Variants in CSMD1 observed in about 807,000 individuals in gnomAD.
CSMD1 encodes the protein CUB and sushi domain-containing protein 1.
CSMD1 carries 213 observed loss-of-function variants against 417.5 expected under a neutral mutation model. The observed-to-expected ratio is 0.51, with a 90% CI of 0.46 to 0.57. The LOEUF is 0.57. Among genes scored for constraint, CSMD1 ranks in the 20% least tolerant of loss-of-function variants. The probability of loss-of-function intolerance (pLI) is 0.00; values close to 1 mark genes in which losing one functional copy is unlikely to be tolerated. For missense variants in CSMD1, 6,923 were observed against 4,529.7 expected, an observed-to-expected ratio of 1.53 and a Z score of -15.17; for synonymous variants, 2,862 against 1,736.8, an observed-to-expected ratio of 1.65 and a Z score of -16.11.
chr8:4,633,288 C>T (rs892050789), intron 2 of CSMD1, among the ~76,000 whole-genome samples: 5 of 152,050 alleles, frequency 3.3e-5, no homozygotes, highest in Non-Finnish European at 7.4e-5. Context: ...AGTCTGTCCC[C>T]CAGGCTGGAG....
intron 5 of CSMD1, among the ~76,000 whole-genome samples, chr8:3,788,669 G>A (rs143489043): frequency 6.6e-6 from 1 of 152,308 alleles, no homozygotes; most frequent in South Asian, 2.1e-4. Context: ...AGACAAAAAT[G>A]TAAGTACCTC....
intron 3 of CSMD1, among the ~76,000 whole-genome samples, chr8:4,054,282 G>T (rs1483171774): frequency 2.7e-5 from 1 of 37,636 alleles, no homozygotes; most frequent in East Asian, 1.5e-3. Flanking sequence ...GGGAAGTGAA[G>T]ATGTGGCTTC....
chr8:3,035,571 G>C (rs1318087276), intron 50 of CSMD1, among the ~76,000 whole-genome samples: 1 of 152,130 alleles, frequency 6.6e-6, no homozygotes, highest in Non-Finnish European at 1.5e-5. Context: ...TTCAGGAATT[G>C]AATCGACAAG....
At chr8:4,095,033 G>A (rs949975701) in intron 3 of CSMD1, among the ~76,000 whole-genome samples, 1 of 152,154 alleles carries the variant, frequency 6.6e-6, no homozygotes, top group Non-Finnish European at 1.5e-5. Context: ...AAGATCTTGA[G>A]AAAGTCATGT....
chr8:4,013,477 T>C (rs1042183748), intron 4 of CSMD1, among the ~76,000 whole-genome samples: 2 of 152,110 alleles, frequency 1.3e-5, no homozygotes, highest in African/African-American at 4.8e-5. Context: ...GGATCTTAGG[T>C]GATAAGACCA....
intron 1 of CSMD1, among the ~76,000 whole-genome samples, chr8:4,726,071 G>A (rs989758625): frequency 2.0e-5 from 3 of 152,132 alleles, no homozygotes; most frequent in African/African-American, 7.2e-5. Context: ...TCAAGCCACT[G>A]ACAAATGATC....
chr8:3,750,435 C>T (rs1797279737), intron 6 of CSMD1, among the ~76,000 whole-genome samples: 1 of 151,520 alleles, frequency 6.6e-6, no homozygotes. Flanking sequence ...ATAATGTTTA[C>T]ATTATGTAAG....
intron 2 of CSMD1, among the ~76,000 whole-genome samples, chr8:4,631,645 T>TA (rs1563351373): frequency 6.6e-6 from 1 of 152,204 alleles, no homozygotes; most frequent in Admixed American, 6.5e-5. Context: ...AAACTGTTTT[T>TA]AAAAATATTT....
chr8:4,342,439 C>T (rs1254376196), intron 3 of CSMD1, among the ~76,000 whole-genome samples: 1 of 152,042 alleles, frequency 6.6e-6, no homozygotes, highest in African/African-American at 2.4e-5. Flanking sequence ...GAAAACTATT[C>T]TGGCTATCCC....
intron 1 of CSMD1, among the ~76,000 whole-genome samples, chr8:4,671,725 TTG>T (rs143507624): frequency 0.011 from 1,734 of 151,584 alleles, 19 homozygotes; most frequent in Non-Finnish European, 0.02. Context: ...AAAGTATTGC[TTG>T]TGTGTGTGTG....
intron 1 of CSMD1, among the ~76,000 whole-genome samples, chr8:4,639,713 T>G (rs1803078729): frequency 6.6e-6 from 1 of 152,192 alleles, no homozygotes; most frequent in South Asian, 2.1e-4. Context: ...TATTTTCAAC[T>G]ACATTTTATA....
At chr8:4,709,284 G>A (rs1048758435) in intron 1 of CSMD1, among the ~76,000 whole-genome samples, 1 of 152,172 alleles carries the variant, frequency 6.6e-6, no homozygotes, top group South Asian at 2.1e-4. Context: ...TTGGCTAACT[G>A]CAGGTAGAAG....
At chr8:3,427,986 T>A (rs1813964537) in intron 12 of CSMD1, among the ~76,000 whole-genome samples, 1 of 152,232 alleles carries the variant, frequency 6.6e-6, no homozygotes, top group Non-Finnish European at 1.5e-5. Flanking sequence ...GAAAATGGAA[T>A]TAAGCCTTAA....
intron 5 of CSMD1, among the ~76,000 whole-genome samples, chr8:3,920,018 A>G (rs778146546): frequency 1.3e-5 from 2 of 151,636 alleles, no homozygotes; most frequent in African/African-American, 2.4e-5. Context: ...GGATTTACCA[A>G]ATTTGTTTTT....
intron 15 of CSMD1, among the ~76,000 whole-genome samples, 178 bp from the exon 16 acceptor site, chr8:3,399,707 C>T (rs1027048311): frequency 1.3e-5 from 2 of 152,206 alleles, no homozygotes; most frequent in African/African-American, 2.4e-5. Context: ...TCTATATATG[C>T]TACCTCCATG....
chr8:4,750,733 A>C (rs998046364), intron 1 of CSMD1, among the ~76,000 whole-genome samples: 2 of 152,126 alleles, frequency 1.3e-5, no homozygotes, highest in Admixed American at 1.3e-4. Context: ...TTTGTCAGTA[A>C]ATACCGAATT....
intron 2 of CSMD1, among the ~76,000 whole-genome samples, chr8:4,420,391 A>T (rs1325342883): frequency 6.6e-6 from 1 of 151,750 alleles, no homozygotes; most frequent in Non-Finnish European, 1.5e-5. Flanking sequence ...TGAATTTTTA[A>T]GTTATAGGGT....
intron 3 of CSMD1, among the ~76,000 whole-genome samples, chr8:4,318,542 T>G (rs1799070388): frequency 6.6e-6 from 1 of 152,146 alleles, no homozygotes; most frequent in Admixed American, 6.6e-5. Context: ...TTAATAAAGT[T>G]ACGTTAACAA....
chr8:3,952,299 G>C (rs1302665209), intron 5 of CSMD1, among the ~76,000 whole-genome samples: 6 of 152,252 alleles, frequency 3.9e-5, no homozygotes, highest in African/African-American at 9.6e-5. Context: ...TACGCGAAAG[G>C]TGTCGTGGCT....
Sources: gnomAD v4.1 joint callset for allele counts (sites outside exome capture counted in the v4.1 genomes callset) on GRCh38, gnomAD v4.1.1 for gene constraint, MANE v1.5 for transcripts, NCBI Gene and HGNC (gene_info 2026-07-23, HGNC 2026-07-21) for gene names.